The following UNC13C variants were observed in gnomAD, a reference collection of about 807,000 sequenced individuals.
UNC13C encodes protein unc-13 homolog C.
UNC13C carries 174 observed loss-of-function variants against 245.4 expected under a neutral mutation model. The observed-to-expected ratio is 0.71, with a 90% CI of 0.63 to 0.80. The LOEUF (loss-of-function observed/expected upper bound fraction) is 0.80, where lower values mean the gene tolerates loss of function less well. UNC13C is among the 30% of genes least tolerant of loss of function. The pLI is 0.00. For missense variants in UNC13C, 2,829 were observed against 2,602.9 expected, an observed-to-expected ratio of 1.09 and a Z score of -1.89; for synonymous variants, 992 against 895.1, an observed-to-expected ratio of 1.11 and a Z score of -1.93.
chr15:54,094,974 G>A (rs1052373564), intron 2 of UNC13C, among the ~76,000 whole-genome samples: 3 of 152,140 alleles, frequency 2.0e-5, no homozygotes, highest in Admixed American at 6.5e-5. Flanking sequence ...TCTTTCTGGT[G>A]AGGTATCCAA....
chr15:53,938,461 A>G, the UNC13C span, among the ~76,000 whole-genome samples: 1 of 152,168 alleles, frequency 6.6e-6, no homozygotes, highest in African/African-American at 2.4e-5. Context: ...GAGACAGAAA[A>G]TTAACGAAGA....
chr15:53,872,066 G>T, the UNC13C span, among the ~76,000 whole-genome samples: 1 of 152,210 alleles, frequency 6.6e-6, no homozygotes, highest in East Asian at 1.9e-4. Flanking sequence ...TCTGATCTAA[G>T]ATTCAGGAAA....
chr15:54,273,210 C>G (rs1435397284), intron 10 of UNC13C, among the ~76,000 whole-genome samples: 1 of 152,136 alleles, frequency 6.6e-6, no homozygotes, highest in Non-Finnish European at 1.5e-5. Flanking sequence ...TTGCAGAAAC[C>G]AGGAAAAGCC....
intron 19 of UNC13C, among the ~76,000 whole-genome samples, chr15:54,457,274 G>C (rs1240885872): frequency 1.3e-5 from 2 of 152,122 alleles, no homozygotes; most frequent in Non-Finnish European, 2.9e-5. Flanking sequence ...TTTGGATTCA[G>C]ATAGCTAGTA....
At chr15:54,575,605 G>A (rs1376562031) in intron 30 of UNC13C, among the ~76,000 whole-genome samples, 6 of 150,458 alleles carry the variant, frequency 4.0e-5, no homozygotes, top group East Asian at 3.9e-4. Flanking sequence ...AAGGGCCACC[G>A]CTGAAATTTC....
At chr15:54,099,180 G>C (rs1267356483) in intron 2 of UNC13C, among the ~76,000 whole-genome samples, 2 of 152,168 alleles carry the variant, frequency 1.3e-5, no homozygotes, top group African/African-American at 4.8e-5. Flanking sequence ...AGCAACTTCA[G>C]GGTGATCCCC....
At chr15:54,576,600 C>G (rs1486690872) in intron 30 of UNC13C, among the ~76,000 whole-genome samples, 2 of 152,112 alleles carry the variant, frequency 1.3e-5, no homozygotes, top group East Asian at 1.9e-4. Flanking sequence ...GAAATCCAAG[C>G]TAAATGTAAG....
At chr15:54,153,287 A>G (rs1398485141) in intron 4 of UNC13C, among the ~76,000 whole-genome samples, 1 of 151,754 alleles carries the variant, frequency 6.6e-6, no homozygotes, top group Non-Finnish European at 1.5e-5. Flanking sequence ...TTTAGATGTC[A>G]TTTAAAAATG....
intron 4 of UNC13C, among the ~76,000 whole-genome samples, chr15:54,153,575 T>C (rs1217053725): frequency 1.3e-5 from 2 of 152,054 alleles, no homozygotes; most frequent in African/African-American, 4.8e-5. Flanking sequence ...TTATGCGAAA[T>C]TGATACAATT....
chr15:53,982,500 T>C (rs1188324997), intron 1 of UNC13C, among the ~76,000 whole-genome samples: 2 of 152,064 alleles, frequency 1.3e-5, no homozygotes, highest in Non-Finnish European at 2.9e-5. Context: ...GGGGCACTGA[T>C]GATATGGTCT....
chr15:53,899,458 T>G, the UNC13C span, among the ~76,000 whole-genome samples: 2 of 152,366 alleles, frequency 1.3e-5, no homozygotes, highest in African/African-American at 4.8e-5. Context: ...AGCTTTGCTT[T>G]CTAAAAGAAT....
intron 20 of UNC13C, among the ~76,000 whole-genome samples, chr15:54,495,427 G>A (rs897041027): frequency 1.3e-5 from 2 of 152,086 alleles, no homozygotes; most frequent in South Asian, 2.1e-4. Context: ...TAAGCAAAGC[G>A]CAATAGGGTT....
the UNC13C span, among the ~76,000 whole-genome samples, chr15:53,906,180 G>T: frequency 2.0e-5 from 3 of 152,032 alleles, no homozygotes; most frequent in Non-Finnish European, 4.4e-5. Flanking sequence ...CAAAAAATTA[G>T]GTGGGCGTGG....
intron 4 of UNC13C, among the ~76,000 whole-genome samples, chr15:54,155,454 TAA>T (rs773831129): frequency 2.6e-5 from 4 of 152,218 alleles, no homozygotes; most frequent in Non-Finnish European, 4.4e-5. Flanking sequence ...GTTTTCTTTA[TAA>T]GAGGAGCGAG....
At chr15:54,050,299 GC>G (rs1292605175) in intron 2 of UNC13C, 1 of 586,140 alleles carries the variant, frequency 1.7e-6, no homozygotes, top group Non-Finnish European at 3.3e-6. Context: ...TTAGCTGCTT[GC>G]CTGCTGTATA....
the UNC13C span, among the ~76,000 whole-genome samples, chr15:53,957,482 CT>C: frequency 6.6e-6 from 1 of 152,112 alleles, no homozygotes; most frequent in Non-Finnish European, 1.5e-5. Flanking sequence ...GGTTCCATTT[CT>C]TTTGGTAAAT....
chr15:53,838,410 G>T, the UNC13C span, among the ~76,000 whole-genome samples: 1 of 151,920 alleles, frequency 6.6e-6, no homozygotes, highest in African/African-American at 2.4e-5. Context: ...AATATTTATG[G>T]TGCTTACCAT....
intron 7 of UNC13C, among the ~76,000 whole-genome samples, chr15:54,239,256 T>C (rs965441221): frequency 6.6e-6 from 1 of 152,208 alleles, no homozygotes; most frequent in African/African-American, 2.4e-5. Flanking sequence ...ATTGTCATCT[T>C]TCATCCAAAT....
chr15:54,037,450 T>C lies in UNC13C; in HGVS notation c.2983+21564T>C, dbSNP rs77681923. 6.9e-3 allele frequency among the ~76,000 whole-genome samples: 1,058 copies of C among 152,298 alleles called. 14 individuals carry two copies. Among genetic ancestry groups the C allele is most frequent in the African/African-American group, 0.024 (1,016 of 41,566 alleles). On this transcript the variant is annotated intron_variant, in intron 2 of 32. Transcript: ENST00000260323. ...ATCATGCAAAAATAAAAAAAAATTG[T>C]CCAAAAGGCTTAGCACAATGCTTGT...
Sources: allele counts gnomAD v4.1 joint callset (sites outside exome capture counted in the v4.1 genomes callset), GRCh38; gene constraint gnomAD v4.1.1; transcripts MANE v1.5; gene names NCBI Gene and HGNC (gene_info 2026-07-23, HGNC 2026-07-21).